The following DLGAP1 variants were observed in gnomAD, a reference collection of about 807,000 sequenced individuals.
DLGAP1 encodes the protein disks large-associated protein 1.
In DLGAP1, 11 loss-of-function variants were observed where a neutral mutation model predicts 90.8. The ratio of observed to expected loss-of-function variants is 0.12; its 90% CI spans 0.08 to 0.20. The LOEUF (loss-of-function observed/expected upper bound fraction) is 0.20, where lower values mean the gene tolerates loss of function less well. Among genes scored for constraint, DLGAP1 ranks in the 10% least tolerant of loss-of-function variants. The probability of loss-of-function intolerance (pLI) is 1.00; values close to 1 mark genes in which losing one functional copy is unlikely to be tolerated. For missense variants in DLGAP1, 1,050 were observed against 1,333.8 expected (o/e 0.79, Z 3.31); for synonymous variants, 558 against 540.7 (o/e 1.03, Z -0.44).
At chr18:3,648,699 TTAAGAG>T (rs1369435227) in intron 7 of DLGAP1, among the ~76,000 whole-genome samples, 5 of 152,222 alleles carry the variant, frequency 3.3e-5, no homozygotes, top group Admixed American at 6.5e-5. Context: ...TGCTTGTTCT[TTAAGAG>T]TAAGAGTTTT....
At chr18:3,728,493 A>G (rs2062280383) in intron 7 of DLGAP1, among the ~76,000 whole-genome samples, 1 of 152,086 alleles carries the variant, frequency 6.6e-6, no homozygotes, top group Non-Finnish European at 1.5e-5. Flanking sequence ...TACTGACAAA[A>G]ATACAGTTTA....
In DLGAP1 at chr18:3,499,257, G is replaced by A; in HGVS notation, c.2862C>T (p.Val954=). The change falls in exon 13 of 13, where the codon GTC becomes GTT. Residue 954 remains valine, a synonymous_variant. Transcript: ENST00000315677. This position sits in a 1 kb window ranked among gnomAD's most constrained non-coding sequence, Gnocchi z 6.4. ...CGCTCTCGGTGGCCGAGTTCTGGCG[G>A]ACGGACGCGGCGCGCTTGGCGGCCA... ...RLMAAKRAAS[V]RQNSATESAE... 1.2e-6 allele frequency: 2 copies of A among 1,601,338 alleles called. No individual in the cohort carries two copies. Among genetic ancestry groups the A allele is most frequent in the Non-Finnish European group, 1.7e-6 (2 of 1,175,226 alleles).
At chr18:3,768,581 T>C (rs1017959087) in intron 5 of DLGAP1, among the ~76,000 whole-genome samples, 2 of 152,240 alleles carry the variant, frequency 1.3e-5, no homozygotes, top group Non-Finnish European at 2.9e-5. Context: ...CTGTGTAGTA[T>C]TGGTGAAAGG....
At chr18:3,593,906 C>A (rs2056422605) in intron 7 of DLGAP1, 1 of 151,622 alleles carries the variant, frequency 6.6e-6, no homozygotes, top group Non-Finnish European at 1.5e-5. Context: ...GTTGTTTCAA[C>A]AAGCTGCTAC....
intron 4 of DLGAP1, among the ~76,000 whole-genome samples, chr18:3,840,111 C>T (rs1480723748): frequency 1.3e-5 from 2 of 152,234 alleles, no homozygotes; most frequent in Non-Finnish European, 2.9e-5. Flanking sequence ...GGCCTCTCTA[C>T]TCCACATTTA....
intron 4 of DLGAP1, among the ~76,000 whole-genome samples, chr18:3,835,384 C>T (rs1158115487): frequency 6.6e-6 from 1 of 151,968 alleles, no homozygotes; most frequent in Admixed American, 6.6e-5. Flanking sequence ...GGCGTGGTGG[C>T]TCACGCCTGT....
chr18:3,959,458 G>A (rs1441229020), intron 3 of DLGAP1, among the ~76,000 whole-genome samples: 1 of 152,080 alleles, frequency 6.6e-6, no homozygotes, highest in African/African-American at 2.4e-5. Flanking sequence ...CTTGAGGTCA[G>A]GAGTCCGAGA....
intron 1 of DLGAP1, among the ~76,000 whole-genome samples, chr18:4,422,437 C>A (rs12456655): frequency 0.28 from 41,558 of 149,842 alleles, 6,480 homozygotes; most frequent in East Asian, 0.37. Context: ...GGAATTGTAT[C>A]CAACTCATTT....
chr18:4,424,062 G>C (rs2615858), intron 1 of DLGAP1, among the ~76,000 whole-genome samples: 1 of 152,076 alleles, frequency 6.6e-6, no homozygotes, highest in Non-Finnish European at 1.5e-5. Context: ...TGAGGCAGGA[G>C]AATCACTTGA....
At chr18:4,323,351 A>C (rs766262734) in intron 1 of DLGAP1, among the ~76,000 whole-genome samples, 3 of 152,258 alleles carry the variant, frequency 2.0e-5, no homozygotes, top group Non-Finnish European at 4.4e-5. Flanking sequence ...AAATTAGCAC[A>C]GCTATTACAG....
At chr18:3,573,429 G>A (rs1273275948) in intron 8 of DLGAP1, among the ~76,000 whole-genome samples, 1 of 152,126 alleles carries the variant, frequency 6.6e-6, no homozygotes, top group Non-Finnish European at 1.5e-5. Flanking sequence ...TTGAACCCAG[G>A]AGATGGAAGT....
At chr18:4,283,552 T>G (rs147438622) in intron 1 of DLGAP1, among the ~76,000 whole-genome samples, 10 of 152,286 alleles carry the variant, frequency 6.6e-5, no homozygotes, top group African/African-American at 2.4e-4. Context: ...TTTCTTTACT[T>G]TTCACTCCAC....
chr18:4,165,964 C>A, intron 1 of DLGAP1, among the ~76,000 whole-genome samples: 1 of 152,012 alleles, frequency 6.6e-6, no homozygotes. Context: ...CAAGACCAGC[C>A]CTGAACAATG....
intron 1 of DLGAP1, among the ~76,000 whole-genome samples, chr18:4,269,356 T>TA (rs1183846918): frequency 1.7e-3 from 204 of 119,530 alleles, no homozygotes; most frequent in South Asian, 5.6e-3. Flanking sequence ...ATATATATAT[T>TA]TTTTTTTTTC....
chr18:3,806,382 T>A (rs1043376072), intron 5 of DLGAP1, among the ~76,000 whole-genome samples: 2 of 152,228 alleles, frequency 1.3e-5, no homozygotes, highest in Non-Finnish European at 2.9e-5. Context: ...GCTTTTGCCA[T>A]TCTTAGACTC....
chr18:3,706,858 G>A (rs2061449278), intron 7 of DLGAP1, among the ~76,000 whole-genome samples: 1 of 152,022 alleles, frequency 6.6e-6, no homozygotes, highest in African/African-American at 2.4e-5. Context: ...GTAGAAAAAA[G>A]TTTCCCCAAA....
intron 3 of DLGAP1, among the ~76,000 whole-genome samples, chr18:3,900,154 C>T (rs1237043809): frequency 5.9e-5 from 9 of 152,086 alleles, no homozygotes; most frequent in East Asian, 3.8e-4. Flanking sequence ...AGGACTGTAC[C>T]GAAGAAATGT....
chr18:4,018,871 G>T (rs1367577215), intron 2 of DLGAP1, among the ~76,000 whole-genome samples: 1 of 152,214 alleles, frequency 6.6e-6, no homozygotes, highest in Non-Finnish European at 1.5e-5. Flanking sequence ...CTCCGATTTG[G>T]GGGGTCAAGG....
At position 3,775,203 on chromosome 18, in the gene DLGAP1, G is replaced by A. The variant is rs2064882455; in HGVS notation, c.1173-32691C>T. The stretch of plus-strand genomic sequence containing the variant: ...CCTTAAGAAGGGTATGTAAGCATCT[G>A]GATCCCACTGGGTTATTTTGTAACA... On this transcript the variant is annotated intron_variant, in intron 5 of 12. Transcript: ENST00000315677. The surrounding 1 kb of genome is among the most constrained non-coding windows in gnomAD (Gnocchi z 4.9). Among the ~76,000 whole-genome samples the A allele has an allele frequency of 6.6e-6, 1 of 152,190 alleles. No individual in the cohort carries two copies. The highest frequency in any genetic ancestry group is 2.4e-5 in the African/African-American group (1 of 41,446).
Sources: gnomAD v4.1 joint callset for allele counts (sites outside exome capture counted in the v4.1 genomes callset) on GRCh38, gnomAD v4.1.1 for gene constraint, Gnocchi (gnomAD v3.1) non-coding constraint, MANE v1.5 for transcripts, NCBI Gene and HGNC (gene_info 2026-07-23, HGNC 2026-07-21) for gene names.